Variants in FHOD3 observed in about 807,000 individuals in gnomAD.
FHOD3 encodes FH1/FH2 domain-containing protein 3.
A neutral mutation model predicts 173.0 loss-of-function variants in FHOD3; 90 were observed. That is an observed-to-expected ratio of 0.52 (90% CI 0.44 to 0.62). FHOD3 has a LOEUF of 0.62. Among genes scored for constraint, FHOD3 ranks in the 20% least tolerant of loss-of-function variants. The probability of loss-of-function intolerance (pLI) is 0.00; values close to 1 mark genes in which losing one functional copy is unlikely to be tolerated. For synonymous variants in FHOD3, 828 were observed against 823.0 expected, an observed-to-expected ratio of 1.01 and a Z score of -0.10; for missense variants, 1,945 against 2,034.7, an observed-to-expected ratio of 0.96 and a Z score of 0.85.
At chr18:36,493,244 T>G (rs1360584657) in intron 3 of FHOD3, among the ~76,000 whole-genome samples, 1 of 150,062 alleles carries the variant, frequency 6.7e-6, no homozygotes, top group African/African-American at 2.5e-5. Context: ...AACTTGTATA[T>G]GGAGGCCATA....
At chr18:36,346,507 A>G (rs2045885979) in intron 1 of FHOD3, among the ~76,000 whole-genome samples, 1 of 152,220 alleles carries the variant, frequency 6.6e-6, no homozygotes, top group South Asian at 2.1e-4. Flanking sequence ...TTGCTCAAGC[A>G]AGAAACTCAA....
At chr18:36,692,971 G>A (rs1023520802) in intron 16 of FHOD3, 60 of 568,508 alleles carry the variant, frequency 1.1e-4, no homozygotes, top group Non-Finnish European at 1.7e-4. Flanking sequence ...CAGTATCTAG[G>A]GACTGTGTGA....
chr18:36,741,930 G>A (rs2041921778), intron 21 of FHOD3, among the ~76,000 whole-genome samples: 1 of 152,064 alleles, frequency 6.6e-6, no homozygotes, highest in South Asian at 2.1e-4. Flanking sequence ...CAGAGAGGAA[G>A]ACACCTAGGG....
chr18:36,359,525 G>T (rs750325957), intron 2 of FHOD3, among the ~76,000 whole-genome samples: 30 of 150,142 alleles, frequency 2.0e-4, no homozygotes, highest in Non-Finnish European at 4.1e-4. Flanking sequence ...GTCATTGTGT[G>T]GCCTTGGGCA....
chr18:36,581,566 G>T (rs1010915144), intron 6 of FHOD3, among the ~76,000 whole-genome samples: 2 of 152,164 alleles, frequency 1.3e-5, no homozygotes, highest in Non-Finnish European at 2.9e-5. Flanking sequence ...CCATATTGCT[G>T]ATCACAGGTC....
chr18:36,358,407 C>T (rs900367687), intron 2 of FHOD3, among the ~76,000 whole-genome samples: 3 of 152,200 alleles, frequency 2.0e-5, no homozygotes, highest in African/African-American at 7.2e-5. Context: ...CAGCTGTTCC[C>T]AAAGAGCCAG....
At chr18:36,508,426 T>G (rs1453145734) in intron 4 of FHOD3, among the ~76,000 whole-genome samples, 1 of 152,064 alleles carries the variant, frequency 6.6e-6, no homozygotes, top group Non-Finnish European at 1.5e-5. Flanking sequence ...TAAAATAAAC[T>G]AATTAACTTG....
Position 36,650,025 on chromosome 18 carries a change from G to A in FHOD3, c.1286+620G>A, listed in dbSNP as rs561391185. Among the ~76,000 whole-genome samples, 13 of 152,182 alleles carry A rather than the reference G, an allele frequency of 8.5e-5. No homozygotes were observed. In the South Asian group the frequency reaches 1.0e-3, roughly 12 times the overall value. On this transcript the variant is annotated intron_variant, in intron 11 of 28. Coordinates refer to ENST00000590592, the MANE Select transcript of FHOD3 (RefSeq NM_001281740.3). ...TGCTTTCTTTCTATCCTCAGGCAACGCTGACAGACATGGGCACCTTGCAGA... is the reference window on the plus strand; with the variant it reads ...TGCTTTCTTTCTATCCTCAGGCAACACTGACAGACATGGGCACCTTGCAGA...
rs2043954469 is a variant in FHOD3 at position 36,779,761 on chromosome 18, T to C, written c.*231T>C. 1.8e-6 allele frequency: 1 copy of C among 549,198 alleles called. No individual in the cohort carries two copies. The highest frequency in any genetic ancestry group is 3.2e-5 in the Admixed American group (1 of 31,074). 34.0% of individuals were successfully genotyped at this position (549,198 alleles called of 1,614,324 possible). A position where few individuals can be genotyped will look rare whatever the true frequency, so the allele number is the denominator to read the frequency against. Reference sequence around the variant, plus strand: ...ATCGTGTCAGCTGTGTTTCTCTTGATTCCGTGACACCCGGTTTATTAGTTC... The same window carrying C: ...ATCGTGTCAGCTGTGTTTCTCTTGACTCCGTGACACCCGGTTTATTAGTTC... On this transcript the variant is annotated 3_prime_UTR_variant, in exon 29 of 29. Transcript: ENST00000590592.
chr18:36,455,148 T>C (rs1195473632), intron 3 of FHOD3, among the ~76,000 whole-genome samples: 1 of 152,238 alleles, frequency 6.6e-6, no homozygotes, highest in Admixed American at 6.5e-5. Context: ...CAATCTGCCA[T>C]GTTAAACTCA....
chr18:36,482,489 G>T (rs1336643523), intron 3 of FHOD3, among the ~76,000 whole-genome samples: 1 of 152,068 alleles, frequency 6.6e-6, no homozygotes, highest in Non-Finnish European at 1.5e-5. Context: ...TAGGCCAGAA[G>T]TGTACCAGGG....
At chr18:36,711,003 T>G (rs1041502084) in intron 18 of FHOD3, 1 of 152,236 alleles carries the variant, frequency 6.6e-6, no homozygotes, top group African/African-American at 2.4e-5. Context: ...TCCAATATTC[T>G]TCCAAAGAAG....
Position 36,709,321 on chromosome 18 carries a change from C to A in FHOD3, c.2463C>A (p.Ser821Arg), listed in dbSNP as rs764039558. 1.9e-6 allele frequency: 3 copies of A among 1,614,242 alleles called. No individual in the cohort carries two copies. In the Admixed American group the frequency reaches 5.0e-5, roughly 27 times the overall value. ...AGAGGGACAACTGCTCTGCCTCCAG[C>A]GTCTCGTCCTCCAGCAGCACGTTGG... ...VNERDNCSAS[S>R]VSSSSSTLER... The change falls in exon 18 of 29, where the codon AGC becomes AGA. Residue 821 changes from serine to arginine, a missense_variant. Ser to Arg is a moderately radical substitution (Grantham distance 110). Coordinates refer to ENST00000590592, the MANE Select transcript of FHOD3 (RefSeq NM_001281740.3).
At chr18:36,418,275 C>G (rs1232463010) in intron 3 of FHOD3, among the ~76,000 whole-genome samples, 2 of 152,138 alleles carry the variant, frequency 1.3e-5, no homozygotes, top group Non-Finnish European at 2.9e-5. Context: ...TTTTCATGTA[C>G]TCTGAAAAGG....
chr18:36,589,864 C>A (rs190077032), intron 6 of FHOD3, among the ~76,000 whole-genome samples: 14 of 152,228 alleles, frequency 9.2e-5, no homozygotes, highest in African/African-American at 2.9e-4. Flanking sequence ...AGAATCAATT[C>A]CAATTGATTT....
intron 6 of FHOD3, among the ~76,000 whole-genome samples, chr18:36,588,803 C>G (rs2059121026): frequency 6.6e-6 from 1 of 152,134 alleles, no homozygotes; most frequent in African/African-American, 2.4e-5. Flanking sequence ...TATCTGAAAT[C>G]TAGATACACA....
At chr18:36,456,714 G>A (rs1027623805) in intron 3 of FHOD3, among the ~76,000 whole-genome samples, 2 of 151,994 alleles carry the variant, frequency 1.3e-5, no homozygotes, top group African/African-American at 4.8e-5. Context: ...TGCCTTCCTG[G>A]TTGAGCTCTG....
At chr18:36,546,068 C>A (rs1239773638) in intron 5 of FHOD3, among the ~76,000 whole-genome samples, 2 of 152,204 alleles carry the variant, frequency 1.3e-5, no homozygotes, top group African/African-American at 4.8e-5. Flanking sequence ...GCAGGCTTTT[C>A]CTCATGGAGA....
chr18:36,671,159 C>CTG (rs375959124), intron 14 of FHOD3, among the ~76,000 whole-genome samples: 113 of 152,368 alleles, frequency 7.4e-4, no homozygotes, highest in African/African-American at 2.4e-3. Context: ...AGGTCTCTCT[C>CTG]TCTCTGTATA....
Sources: gnomAD v4.1 joint callset for allele counts (sites outside exome capture counted in the v4.1 genomes callset) on GRCh38, gnomAD v4.1.1 for gene constraint, MANE v1.5 for transcripts, NCBI Gene and HGNC (gene_info 2026-07-23, HGNC 2026-07-21) for gene names.